The following BCL7C variants were observed in gnomAD, a reference collection of about 807,000 sequenced individuals.
BCL7C encodes the protein BAF chromatin remodeling complex subunit BCL7C.
In BCL7C, 8 loss-of-function variants were observed where a neutral mutation model predicts 26.2. The ratio of observed to expected loss-of-function variants is 0.30; its 90% CI spans 0.18 to 0.55. The LOEUF (loss-of-function observed/expected upper bound fraction) is 0.55. Ranked by LOEUF, BCL7C falls within the 20% of genes least tolerant of loss-of-function variation. The pLI is 0.93. For synonymous variants in BCL7C, 90 were observed against 116.5 expected (o/e 0.77, Z 1.47); for missense variants, 262 against 298.5 (o/e 0.88, Z 0.90).
intron 5 of BCL7C, among the ~76,000 whole-genome samples, chr16:30,857,630 C>T (rs2054734358): frequency 6.6e-6 from 1 of 152,048 alleles, no homozygotes; most frequent in African/African-American, 2.4e-5. Flanking sequence ...TAAAACACCA[C>T]AAAACTCACT....
intron 5 of BCL7C, among the ~76,000 whole-genome samples, chr16:30,879,307 T>A (rs2055002792): frequency 6.6e-6 from 1 of 152,150 alleles, no homozygotes; most frequent in Admixed American, 6.6e-5. Flanking sequence ...AAGAAAAGGC[T>A]GTCCATCTCC....
intron 4 of BCL7C, among the ~76,000 whole-genome samples, chr16:30,891,792 C>A (rs1004568024): frequency 4.6e-5 from 7 of 151,936 alleles, no homozygotes; most frequent in Non-Finnish European, 1.0e-4. Context: ...TAGCGAGACC[C>A]TACCTCTACA....
At chr16:30,868,855 CAA>C (rs913478472) in intron 5 of BCL7C, among the ~76,000 whole-genome samples, 15 of 146,738 alleles carry the variant, frequency 1.0e-4, no homozygotes, top group Non-Finnish European at 2.1e-4. Flanking sequence ...AATACAACAG[CAA>C]AAAAAAAAGA....
At chr16:30,844,280 G>A (rs981855125) in intron 5 of BCL7C, among the ~76,000 whole-genome samples, 2 of 149,824 alleles carry the variant, frequency 1.3e-5, no homozygotes, top group Admixed American at 6.7e-5. Flanking sequence ...AACCCAGGGG[G>A]CAGGGGTTGC....
At chr16:30,843,067 T>C (rs1417787733) in intron 5 of BCL7C, among the ~76,000 whole-genome samples, 1 of 152,246 alleles carries the variant, frequency 6.6e-6, no homozygotes, top group Non-Finnish European at 1.5e-5. Flanking sequence ...AGCCAAATCA[T>C]GAGCAACTGC....
At chr16:30,850,209 CAAAAAAAAA>C (rs778231654) in intron 5 of BCL7C, among the ~76,000 whole-genome samples, 1 of 86,566 alleles carries the variant, frequency 1.2e-5, no homozygotes, top group Non-Finnish European at 2.3e-5. Flanking sequence ...GACTCCATCT[CAAAAAAAAA>C]AAAAAAAAAG....
At chr16:30,846,618 C>T (rs1481604668) in intron 5 of BCL7C, among the ~76,000 whole-genome samples, 1 of 152,318 alleles carries the variant, frequency 6.6e-6, no homozygotes, top group East Asian at 1.9e-4. Flanking sequence ...CTCTCATTAA[C>T]CAATTCCCTA....
chr16:30,844,689 A>T (rs1003306739), intron 5 of BCL7C, among the ~76,000 whole-genome samples: 5 of 152,158 alleles, frequency 3.3e-5, no homozygotes, highest in African/African-American at 9.7e-5. Context: ...GCTTTCACTT[A>T]GGCCTTCCTG....
Position 30,893,383 on chromosome 16 carries a change from A to G in BCL7C, c.93-93T>C. 1.1e-6 allele frequency: 1 copy of G among 885,864 alleles called. No homozygotes were observed. Among genetic ancestry groups the G allele is most frequent in the Admixed American group, 2.6e-5 (1 of 38,314 alleles). 54.9% of individuals were successfully genotyped at this position (885,864 alleles called of 1,614,324 possible). A position where few individuals can be genotyped will look rare whatever the true frequency, so the allele number is the denominator to read the frequency against. Reference sequence around the variant, plus strand: ...CATCTGGGGGTACCTGCAGAGGTTGAGGAGGCACAGGAGGATAGCAACAGT... The same window carrying G: ...CATCTGGGGGTACCTGCAGAGGTTGGGGAGGCACAGGAGGATAGCAACAGT... On this transcript the variant is annotated intron_variant, in intron 1 of 5. Coordinates refer to ENST00000215115, the MANE Select transcript of BCL7C (RefSeq NM_004765.4). The surrounding 1 kb of genome is among the most constrained non-coding windows in gnomAD (Gnocchi z 5.2).
intron 5 of BCL7C, among the ~76,000 whole-genome samples, chr16:30,857,864 G>C (rs1432691410): frequency 6.6e-6 from 1 of 151,782 alleles, no homozygotes; most frequent in African/African-American, 2.4e-5. Flanking sequence ...CCAGCTACTC[G>C]GGAGGCTGAG....
At chr16:30,860,528 C>T (rs752538523) in intron 5 of BCL7C, among the ~76,000 whole-genome samples, 2 of 152,182 alleles carry the variant, frequency 1.3e-5, no homozygotes, top group Non-Finnish European at 2.9e-5. Context: ...TGACCTAAAA[C>T]CTAAACACCT....
At chr16:30,847,157 C>T (rs2054641483) in intron 5 of BCL7C, among the ~76,000 whole-genome samples, 1 of 152,200 alleles carries the variant, frequency 6.6e-6, no homozygotes, top group African/African-American at 2.4e-5. Flanking sequence ...AAGTCAAACA[C>T]ATAATTTAAT....
intron 4 of BCL7C, among the ~76,000 whole-genome samples, chr16:30,889,661 TGTATTTTTA>T (rs1272944490): frequency 6.6e-6 from 1 of 152,150 alleles, no homozygotes; most frequent in Non-Finnish European, 1.5e-5. Context: ...GCTGATTTTT[TGTATTTTTA>T]GTAGAGACAG....
At position 30,878,842 on chromosome 16, in the gene BCL7C, C is replaced by CA. The variant is rs1402617371; in HGVS notation, c.528+10017dup. On this transcript the variant is annotated intron_variant, in intron 5 of 5. Coordinates refer to the BCL7C transcript ENST00000380317. The stretch of plus-strand genomic sequence containing the variant: ...TGGGTGACAAAGCGAGACTCCGTCT[C>CA]AAAAAAAAAAAAAAAAATGTCAAGG... Among the ~76,000 whole-genome samples the CA allele has an allele frequency of 3.8e-3, 378 of 98,624 alleles. 1 individual carries two copies. Among genetic ancestry groups the CA allele is most frequent in the Admixed American group, 7.1e-3 (72 of 10,090 alleles). 64.7% of individuals were successfully genotyped at this position (98,624 alleles called of 152,430 possible).
At position 30,892,945 on chromosome 16, in the gene BCL7C, G is replaced by A. The variant is rs773014933; in HGVS notation, c.175C>T (p.Arg59Ter). The A allele has an allele frequency of 3.1e-6, 5 of 1,611,970 alleles. No homozygotes were observed. The highest frequency in any genetic ancestry group is 1.1e-5 in the South Asian group (1 of 90,972). Reference sequence around the variant, plus strand: ...TCTGCCCCGCCACCTGCCCGCCTTCGCTCCTGGGGGTTAGAGGATTAGGGT... The same window carrying A: ...TCTGCCCCGCCACCTGCCCGCCTTCACTCCTGGGGGTTAGAGGATTAGGGT... ...VPVVDPQEEERRRAGGGAERS... is the reference protein window; with the variant it reads ...VPVVDPQEEE Residue 59 changes from arginine to a stop codon, truncating the protein, a stop_gained, in exon 3 of 6, where the codon CGA becomes TGA. Transcript: ENST00000215115. LOFTEE classifies it high-confidence loss of function.
rs747158565 is a variant in BCL7C at position 30,893,283 on chromosome 16, G to A, written c.100C>T (p.Arg34Ter). The change falls in exon 2 of 6, where the codon CGA (arginine) becomes TGA (stop). Residue 34 changes from arginine to a stop codon, truncating the protein, a stop_gained. Transcript: ENST00000215115. LOFTEE classifies it high-confidence loss of function. This position sits in a 1 kb window ranked among gnomAD's most constrained non-coding sequence, Gnocchi z 5.2. ...GAAGTGTCGCCCACAGTCACCCATC[G>A]CTTCTCCCTGTGGGAGGGTGGGGGG... ...TIEKVRRWEK[R>*]WVTVGDTSLR... 3 of 1,613,374 alleles carry A rather than the reference G, an allele frequency of 1.9e-6. No individual in the cohort carries two copies. The highest frequency in any genetic ancestry group is 1.7e-5 in the Admixed American group (1 of 59,924).
chr16:30,843,701 C>T (rs1182802850), intron 5 of BCL7C, among the ~76,000 whole-genome samples: 3 of 152,040 alleles, frequency 2.0e-5, no homozygotes, highest in African/African-American at 7.2e-5. Context: ...GTAATGCAGC[C>T]TGGACTTGCT....
intron 5 of BCL7C, among the ~76,000 whole-genome samples, chr16:30,865,664 C>T (rs895263054): frequency 5.9e-5 from 9 of 151,672 alleles, no homozygotes; most frequent in African/African-American, 2.2e-4. Context: ...TAGTGTTACT[C>T]TCATTTTTCC....
At position 30,888,937 on chromosome 16, in the gene BCL7C, C is replaced by T; in HGVS notation, c.451G>A (p.Gly151Ser). Residue 151 changes from glycine (G) to serine (S), a missense_variant, in exon 5 of 6, where the codon GGC (glycine) becomes AGC (serine). By Grantham distance (56) the Gly-to-Ser change is moderately conservative. Coordinates refer to ENST00000215115, the MANE Select transcript of BCL7C (RefSeq NM_004765.4). ...TCGTCGGTGCTGCCAGCAGTTATGC[C>T]CCCGGGATCTGGAACGTCAAGGTAA... ...PRLGQERDPG[G>S]ITAGSTDEPP... 1 of 1,613,974 alleles carries T rather than the reference C, an allele frequency of 6.2e-7. No homozygotes were observed. Among genetic ancestry groups the T allele is most frequent in the Non-Finnish European group, 8.5e-7 (1 of 1,179,918 alleles).
Sources: allele counts gnomAD v4.1 joint callset (sites outside exome capture counted in the v4.1 genomes callset), GRCh38; gene constraint gnomAD v4.1.1; non-coding constraint Gnocchi (gnomAD v3.1); transcripts MANE v1.5; gene names NCBI Gene and HGNC (gene_info 2026-07-23, HGNC 2026-07-21).